COBLL1: variants seen among roughly 807,000 people sequenced by gnomAD.
COBLL1 encodes cordon-bleu protein-like 1.
COBLL1 carries 50 observed loss-of-function variants against 94.8 expected under a neutral mutation model. The observed-to-expected ratio is 0.53, with a 90% CI of 0.42 to 0.67. COBLL1 has a LOEUF of 0.67. Ranked by LOEUF, COBLL1 falls within the 30% of genes least tolerant of loss-of-function variation. The pLI is 0.00. For synonymous variants in COBLL1, 448 were observed against 473.8 expected (o/e 0.95, Z 0.71); for missense variants, 1,362 against 1,348.7 (o/e 1.01, Z -0.15).
At chr2:164,767,601 A>C (rs72880678) in intron 2 of COBLL1, among the ~76,000 whole-genome samples, 2,440 of 152,276 alleles carry the variant, frequency 0.016, 28 homozygotes, top group South Asian at 0.027. Context: ...CTTGCCTTTG[A>C]TGTTCTCCTT....
intron 2 of COBLL1, among the ~76,000 whole-genome samples, chr2:164,750,219 C>G (rs771316862): frequency 3.9e-5 from 6 of 152,132 alleles, no homozygotes; most frequent in Non-Finnish European, 4.4e-5. Context: ...TTTGGATGTC[C>G]CATAGGTATC....
In COBLL1 at chr2:164,779,596, A is replaced by G. The variant is rs1240159905; in HGVS notation, c.42-35721T>C. The stretch of plus-strand genomic sequence containing the variant: ...TGCCATTTCCCAGAACACAGAGCCT[A>G]TTTCCACAGGACGCTTCCCAGCCTC... On this transcript the variant is annotated intron_variant, in intron 2 of 13. Transcript: ENST00000652658. The G allele has an allele frequency of 6.5e-6, 3 of 462,228 alleles. No individual in the cohort carries two copies. The East Asian group carries it at 2.1e-4, about 32-fold the overall frequency. The allele number at this position is 462,228 out of a possible 1,614,324, so 28.6% of individuals were successfully genotyped here. A position where few individuals can be genotyped will look rare whatever the true frequency, so the allele number is the denominator to read the frequency against.
intron 4 of COBLL1, among the ~76,000 whole-genome samples, chr2:164,728,683 A>G (rs911304743): frequency 3.3e-5 from 5 of 152,080 alleles, no homozygotes; most frequent in African/African-American, 7.2e-5. Flanking sequence ...GATAATCCAT[A>G]TGAAAAGCTT....
In COBLL1 at chr2:164,694,541, T is replaced by C. The variant is rs1237330179; in HGVS notation, c.2851A>G (p.Ile951Val). The C allele has an allele frequency of 1.2e-6, 2 of 1,613,938 alleles. No individual in the cohort carries two copies. Among genetic ancestry groups the C allele is most frequent in the Non-Finnish European group, 1.7e-6 (2 of 1,179,930 alleles). Reference protein sequence around the residue: ...QAPAEASPPPIAPKPVTIPAS... With the variant: ...QAPAEASPPPVAPKPVTIPAS... Reference sequence around the variant, plus strand: ...GGAATTGTCACAGGTTTTGGAGCTATGGGAGGAGGGGAGGCTTCAGCAGGA... The same window carrying C: ...GGAATTGTCACAGGTTTTGGAGCTACGGGAGGAGGGGAGGCTTCAGCAGGA... The change falls in exon 12 of 14, where the codon ATA (isoleucine) becomes GTA (valine). Residue 951 changes from isoleucine (I) to valine (V), a missense_variant. Ile to Val is a conservative substitution (Grantham distance 29). Transcript: ENST00000652658.
intron 2 of COBLL1, among the ~76,000 whole-genome samples, chr2:164,751,929 G>A (rs143239817): frequency 1.3e-5 from 2 of 152,234 alleles, no homozygotes; most frequent in Non-Finnish European, 2.9e-5. Flanking sequence ...CAAATCTGTA[G>A]CTTCCTTTGA....
At chr2:164,790,183 G>T (rs1196628670) in intron 2 of COBLL1, among the ~76,000 whole-genome samples, 1 of 152,092 alleles carries the variant, frequency 6.6e-6, no homozygotes. Flanking sequence ...AATGGCTGGC[G>T]CCCTCTCCCT....
intron 2 of COBLL1, among the ~76,000 whole-genome samples, chr2:164,753,707 TTAAGTA>T (rs1220994078): frequency 6.6e-6 from 1 of 151,890 alleles, no homozygotes; most frequent in Non-Finnish European, 1.5e-5. Flanking sequence ...TGGAAAATGT[TTAAGTA>T]TATTTGGGAT....
intron 2 of COBLL1, among the ~76,000 whole-genome samples, chr2:164,807,936 C>T (rs1684259864): frequency 6.6e-6 from 1 of 152,130 alleles, no homozygotes; most frequent in Non-Finnish European, 1.5e-5. Flanking sequence ...TCTTGTGCCT[C>T]AGTCCCCCGA....
upstream of COBLL1, chr2:164,841,958 C>T: frequency 6.5e-7 from 1 of 1,537,844 alleles, no homozygotes; most frequent in Non-Finnish European, 8.7e-7. This position sits in a 1 kb window ranked among gnomAD's most constrained non-coding sequence, Gnocchi z 5.5. Context: ...CTCACTCACC[C>T]TGCCCCATTT....
chr2:164,809,905 G>C lies in COBLL1; in HGVS notation c.41+31251C>G, dbSNP rs74732897. Among the ~76,000 whole-genome samples, 219 of 144,360 alleles carry C rather than the reference G, an allele frequency of 1.5e-3. 5 individuals carry two copies. The highest frequency in any genetic ancestry group is 8.9e-3 in the South Asian group (42 of 4,724). 94.7% of individuals were successfully genotyped at this position (144,360 alleles called of 152,430 possible). The stretch of plus-strand genomic sequence containing the variant: ...CACAATTCTGGTAATTATTTAAACT[G>C]TTTAGTAACAATTTTAACAAAAAAG... On this transcript the variant is annotated intron_variant, in intron 2 of 13. Coordinates refer to ENST00000652658, the MANE Select transcript of COBLL1 (RefSeq NM_001365672.2).
chr2:164,704,602 C>A, intron 8 of COBLL1, 84 bp from the exon 9 acceptor site: 1 of 1,159,312 alleles, frequency 8.6e-7, no homozygotes, highest in South Asian at 1.3e-5. Context: ...TTATATAGTT[C>A]AGAAAGCAGT....
chr2:164,710,596 G>A (rs1684845046), intron 7 of COBLL1, among the ~76,000 whole-genome samples: 1 of 146,510 alleles, frequency 6.8e-6, no homozygotes, highest in Non-Finnish European at 1.5e-5. Context: ...ACGGAGTTTC[G>A]CTCTGTTGCC....
intron 7 of COBLL1, among the ~76,000 whole-genome samples, chr2:164,712,586 C>G (rs913462422): frequency 1.3e-5 from 2 of 151,960 alleles, no homozygotes; most frequent in South Asian, 2.1e-4. Context: ...ATCTGAGGGT[C>G]AAGTTTTAAC....
intron 2 of COBLL1, among the ~76,000 whole-genome samples, chr2:164,746,879 C>T (rs910918292): frequency 6.6e-6 from 1 of 152,116 alleles, no homozygotes; most frequent in Admixed American, 6.6e-5. Flanking sequence ...GACCTTAACA[C>T]CCCCATCTCT....
chr2:164,805,337 C>CTCTATATATA (rs758137553), intron 2 of COBLL1, among the ~76,000 whole-genome samples: 31 of 17,046 alleles, frequency 1.8e-3, no homozygotes, highest in Non-Finnish European at 2.4e-3. Flanking sequence ...CTCTCTCTCT[C>CTCTATATATA]TATATATATA....
At chr2:164,809,767 T>C (rs1684369469) in intron 2 of COBLL1, among the ~76,000 whole-genome samples, 2 of 151,976 alleles carry the variant, frequency 1.3e-5, no homozygotes, top group African/African-American at 4.8e-5. Flanking sequence ...GATCATGATA[T>C]ATAATTTCTC....
intron 2 of COBLL1, among the ~76,000 whole-genome samples, chr2:164,663,536 C>A (rs1691102981): frequency 6.6e-6 from 1 of 152,110 alleles, no homozygotes; most frequent in Admixed American, 6.6e-5. Flanking sequence ...ACAGCAAAGA[C>A]ATGGAATCAA....
At chr2:164,751,834 A>G (rs147665593) in intron 2 of COBLL1, among the ~76,000 whole-genome samples, 173 of 152,216 alleles carry the variant, frequency 1.1e-3, no homozygotes, top group African/African-American at 4.1e-3. Flanking sequence ...GGGACTGACA[A>G]AATTTTAGAT....
At position 164,728,003 on chromosome 2, in the gene COBLL1, TC is replaced by T; in HGVS notation, c.626del (p.Gly209AspfsTer2). On this transcript the variant is annotated frameshift_variant, in exon 5 of 14. Transcript: ENST00000652658. LOFTEE classifies it high-confidence loss of function. ...CATCCATCGCATATAATTCTCTTAG[TC>T]CCAGGTCATTAAGAGATTTTGTCAA... is the stretch of plus-strand genomic sequence containing the variant. ...LDLTKSLNDL[G>X]LRELYAMDVN... The T allele has an allele frequency of 6.2e-7, 1 of 1,613,032 alleles. No individual in the cohort carries two copies. The highest frequency in any genetic ancestry group is 1.3e-5 in the African/African-American group (1 of 75,028).
Sources: allele counts gnomAD v4.1 joint callset (sites outside exome capture counted in the v4.1 genomes callset), GRCh38; gene constraint gnomAD v4.1.1; non-coding constraint Gnocchi (gnomAD v3.1); transcripts MANE v1.5; gene names NCBI Gene and HGNC (gene_info 2026-07-23, HGNC 2026-07-21).